The following ABI3BP variants were observed in gnomAD, a reference collection of about 807,000 sequenced individuals.
ABI3BP encodes target of Nesh-SH3.
A neutral mutation model predicts 268.6 loss-of-function variants in ABI3BP; 216 were observed. That is an observed-to-expected ratio of 0.80 (90% CI 0.72 to 0.90). The LOEUF (loss-of-function observed/expected upper bound fraction) is 0.90. ABI3BP is among the 40% of genes least tolerant of loss of function. The pLI is 0.00. For synonymous variants in ABI3BP, 730 were observed against 730.0 expected, an observed-to-expected ratio of 1.00 and a Z score of 0.00; for missense variants, 2,090 against 2,182.4, an observed-to-expected ratio of 0.96 and a Z score of 0.84.
At chr3:100,901,277 G>A (rs895525107) in intron 3 of ABI3BP, among the ~76,000 whole-genome samples, 6 of 152,146 alleles carry the variant, frequency 3.9e-5, no homozygotes, top group African/African-American at 1.2e-4. Flanking sequence ...AAAGAGGGGA[G>A]GGAATTGTGG....
chr3:100,866,049 C>T (rs2099048223), intron 10 of ABI3BP, among the ~76,000 whole-genome samples: 2 of 152,128 alleles, frequency 1.3e-5, no homozygotes, highest in Non-Finnish European at 2.9e-5. Flanking sequence ...ATTTTACTGC[C>T]ACAACAACTT....
intron 9 of ABI3BP, among the ~76,000 whole-genome samples, chr3:100,872,489 C>G (rs903315023): frequency 1.3e-5 from 2 of 152,134 alleles, no homozygotes; most frequent in East Asian, 1.9e-4. Flanking sequence ...AACTGACAGC[C>G]GTGGTCTGAG....
intron 49 of ABI3BP, among the ~76,000 whole-genome samples, chr3:100,809,667 C>T (rs2097798347): frequency 6.6e-6 from 1 of 151,868 alleles, no homozygotes; most frequent in South Asian, 2.1e-4. Flanking sequence ...ATCCATATCT[C>T]CCTTGGAAAC....
chr3:100,812,104 G>A (rs1032001141), intron 46 of ABI3BP, among the ~76,000 whole-genome samples: 40 of 151,560 alleles, frequency 2.6e-4, no homozygotes, highest in Non-Finnish European at 4.7e-4. Flanking sequence ...TTTCGTATAA[G>A]AATTCCAGTT....
chr3:100,811,686 ATG>A, intron 47 of ABI3BP, 40 bp downstream of exon 47: 1 of 1,505,796 alleles, frequency 6.6e-7, no homozygotes. Context: ...TTAATTTAAA[ATG>A]TGTGGAATAA....
chr3:100,892,857 A>ATAT (rs2045401763), intron 4 of ABI3BP, among the ~76,000 whole-genome samples: 2 of 152,180 alleles, frequency 1.3e-5, no homozygotes, highest in Non-Finnish European at 2.9e-5. Context: ...CATTTAGGAG[A>ATAT]TATAATAAGG....
intron 1 of ABI3BP, among the ~76,000 whole-genome samples, chr3:100,948,310 T>G (rs945192064): frequency 3.3e-5 from 5 of 152,184 alleles, no homozygotes; most frequent in Non-Finnish European, 7.3e-5. Flanking sequence ...TCACAAGTTC[T>G]TAGCAACAAG....
intron 4 of ABI3BP, among the ~76,000 whole-genome samples, chr3:100,894,909 A>C (rs2046572981): frequency 7.7e-6 from 1 of 129,726 alleles, no homozygotes. Flanking sequence ...TCTGCACTCC[A>C]GCCTGGGCGA....
In ABI3BP at chr3:100,841,194, CTTTTTTTTTTTTTTTTTTTTTT is replaced by C. The variant is rs60261694; in HGVS notation, c.1766-358_1766-337del. On this transcript the variant is annotated intron_variant, in intron 21 of 67. Transcript: ENST00000471714. The stretch of plus-strand genomic sequence containing the variant: ...AATTGGCTAAGATGGCATTAGAACA[CTTTTTTTTTTTTTTTTTTTTTT>C]TTTTTTTTTTTGCTCTTTTGAAGAA... Among the ~76,000 whole-genome samples the C allele has an allele frequency of 3.8e-4, 15 of 39,630 alleles. No homozygotes were observed. The East Asian group carries it at 4.1e-3, about 11-fold the overall frequency. The allele number at this position is 39,630 out of a possible 152,430, so 26.0% of individuals were successfully genotyped here.
Position 100,820,255 on chromosome 3 carries a change from G to C in ABI3BP, c.2996C>G (p.Thr999Ser). 6.5e-7 allele frequency: 1 copy of C among 1,536,258 alleles called. No individual in the cohort carries two copies. The highest frequency in any genetic ancestry group is 8.7e-7 in the Non-Finnish European group (1 of 1,146,880). Residue 999 changes from threonine (T) to serine (S), a missense_variant, in exon 40 of 68, where the codon ACC becomes AGC. Transcript: ENST00000471714. The part of the protein sequence containing the change: ...RTRRPRPKTK[T>S]TPSPEVPQTK... ...TTGAGGAACCTCAGGACTTGGTGTG[G>C]TTTTAGTTTTGGGACGTGGACGACG...
At chr3:100,828,807 C>T (rs534361572) in intron 33 of ABI3BP, among the ~76,000 whole-genome samples, 20 of 152,226 alleles carry the variant, frequency 1.3e-4, no homozygotes, top group East Asian at 7.7e-4. Flanking sequence ...CTTTGTCCAA[C>T]GTGAGTACCA....
At chr3:100,776,548 GAC>G (rs1244261009) in intron 59 of ABI3BP, among the ~76,000 whole-genome samples, 1 of 152,194 alleles carries the variant, frequency 6.6e-6, no homozygotes, top group East Asian at 1.9e-4. Flanking sequence ...TGTGTTCACA[GAC>G]ACATGTGAGA....
chr3:100,765,717 C>A, intron 63 of ABI3BP, 124 bp downstream of exon 63: 1 of 720,736 alleles, frequency 1.4e-6, no homozygotes, highest in Non-Finnish European at 2.4e-6. Flanking sequence ...TATAGAAAAC[C>A]CAAGAGTGAA....
At chr3:100,886,449 A>C (rs988377874) in intron 4 of ABI3BP, 126 bp from the exon 5 acceptor site, 5 of 635,904 alleles carry the variant, frequency 7.9e-6, no homozygotes, top group African/African-American at 5.7e-5. Context: ...TTCTCTTCCG[A>C]TTTTTAAAAA....
At chr3:100,937,756 T>A (rs932459405) in intron 1 of ABI3BP, among the ~76,000 whole-genome samples, 1 of 152,090 alleles carries the variant, frequency 6.6e-6, no homozygotes, top group African/African-American at 2.4e-5. Flanking sequence ...TCCAACGTAG[T>A]CTATGCTCTG....
intron 56 of ABI3BP, 98 bp from the exon 57 acceptor site, chr3:100,787,900 T>C: frequency 1.3e-6 from 1 of 797,932 alleles, no homozygotes; most frequent in East Asian, 2.9e-5. Flanking sequence ...ATTTAGGCAA[T>C]AAAAAAGATG....
intron 50 of ABI3BP, among the ~76,000 whole-genome samples, chr3:100,805,910 T>G (rs2097692265): frequency 6.6e-6 from 1 of 152,034 alleles, no homozygotes. Flanking sequence ...ACAAATTTGG[T>G]TTTGAAGAAT....
intron 57 of ABI3BP, among the ~76,000 whole-genome samples, chr3:100,784,097 G>T (rs914036287): frequency 6.6e-6 from 1 of 152,074 alleles, no homozygotes; most frequent in African/African-American, 2.4e-5. Context: ...CATACATCAG[G>T]GAAAATATCT....
At chr3:100,782,961 C>T (rs2096913975) in intron 57 of ABI3BP, among the ~76,000 whole-genome samples, 2 of 152,058 alleles carry the variant, frequency 1.3e-5, no homozygotes, top group Non-Finnish European at 2.9e-5. Context: ...TCAGAATGAG[C>T]CCCCAACTGC....
Sources: allele counts gnomAD v4.1 joint callset (sites outside exome capture counted in the v4.1 genomes callset), GRCh38; gene constraint gnomAD v4.1.1; transcripts MANE v1.5; gene names NCBI Gene and HGNC (gene_info 2026-07-23, HGNC 2026-07-21).